TCAIM: variants seen among roughly 807,000 people sequenced by gnomAD.
TCAIM encodes the protein T cell activation inhibitor, mitochondrial.
In TCAIM, 36 loss-of-function variants were observed where a neutral mutation model predicts 58.6. The ratio of observed to expected loss-of-function variants is 0.61; its 90% CI spans 0.47 to 0.81. The LOEUF (loss-of-function observed/expected upper bound fraction) is 0.81, where lower values mean the gene tolerates loss of function less well. Among genes scored for constraint, TCAIM ranks in the 30% least tolerant of loss-of-function variants. The probability of loss-of-function intolerance (pLI) is 0.00; values close to 1 mark genes in which losing one functional copy is unlikely to be tolerated. For synonymous variants in TCAIM, 172 were observed against 193.6 expected (o/e 0.89, Z 0.93); for missense variants, 466 against 579.6 (o/e 0.80, Z 2.01).
chr3:44,392,375 T>C (rs373610308), intron 5 of TCAIM, among the ~76,000 whole-genome samples: 8 of 152,316 alleles, frequency 5.3e-5, no homozygotes, highest in African/African-American at 1.9e-4. Context: ...AGGTTTGTTA[T>C]ATAAATAAAC....
At chr3:44,343,237 C>T (rs7624506) in intron 1 of TCAIM, among the ~76,000 whole-genome samples, 53,310 of 151,886 alleles carry the variant, frequency 0.35, 10,225 homozygotes, top group African/African-American at 0.47. Flanking sequence ...GGTAACGTAA[C>T]TTGCCCTTGC....
At chr3:44,369,205 A>G (rs1312739881) in intron 5 of TCAIM, among the ~76,000 whole-genome samples, 2 of 152,210 alleles carry the variant, frequency 1.3e-5, no homozygotes, top group African/African-American at 2.4e-5. Flanking sequence ...CTTGCCTTCA[A>G]GTTTTATGTG....
intron 1 of TCAIM, among the ~76,000 whole-genome samples, chr3:44,343,520 A>T (rs1700898631): frequency 6.6e-6 from 1 of 152,216 alleles, no homozygotes; most frequent in South Asian, 2.1e-4. Flanking sequence ...TATTACTGAG[A>T]TACTTTCCAT....
intron 5 of TCAIM, among the ~76,000 whole-genome samples, chr3:44,377,907 C>T (rs184973267): frequency 1.3e-5 from 2 of 152,162 alleles, no homozygotes; most frequent in Admixed American, 6.5e-5. Context: ...GATGAAGATG[C>T]CAAAAGCAAT....
At chr3:44,403,630 CT>C (rs1462791368) in intron 10 of TCAIM, among the ~76,000 whole-genome samples, 1 of 152,046 alleles carries the variant, frequency 6.6e-6, no homozygotes, top group East Asian at 1.9e-4. Flanking sequence ...TGGAGTAATG[CT>C]TATTAGATTG....
intron 1 of TCAIM, among the ~76,000 whole-genome samples, chr3:44,350,542 T>C (rs1701066825): frequency 6.6e-6 from 1 of 152,154 alleles, no homozygotes; most frequent in South Asian, 2.1e-4. Context: ...AAGCCATCCT[T>C]ACCTTAGCTT....
chr3:44,375,236 A>G (rs1340247667), intron 5 of TCAIM, among the ~76,000 whole-genome samples: 6 of 152,198 alleles, frequency 3.9e-5, no homozygotes, highest in African/African-American at 1.4e-4. Context: ...TTGCTATAAT[A>G]TAAAGGAATA....
intron 10 of TCAIM, among the ~76,000 whole-genome samples, chr3:44,401,918 A>C (rs1702027143): frequency 6.6e-6 from 1 of 152,142 alleles, no homozygotes; most frequent in Admixed American, 6.5e-5. Flanking sequence ...CTCTAGTCCC[A>C]GCTACTCAGG....
At chr3:44,383,882 T>C (rs1484019977) in intron 5 of TCAIM, among the ~76,000 whole-genome samples, 1 of 150,962 alleles carries the variant, frequency 6.6e-6, no homozygotes, top group African/African-American at 2.4e-5. Context: ...ACCACTGCAC[T>C]CTGACCTGGG....
At chr3:44,398,341 A>G (rs1208504753) in intron 8 of TCAIM, among the ~76,000 whole-genome samples, 1 of 152,068 alleles carries the variant, frequency 6.6e-6, no homozygotes, top group South Asian at 2.1e-4. Flanking sequence ...GAGGCAGGAG[A>G]ATCATTTGAA....
At chr3:44,338,695 C>T (rs964558661), upstream of TCAIM, 2 of 152,358 alleles carry the variant, frequency 1.3e-5, no homozygotes, top group African/African-American at 4.8e-5. Context: ...GCGTCGCGCG[C>T]TGGTTGGCCA....
chr3:44,388,539 A>G (rs889147214), intron 5 of TCAIM, among the ~76,000 whole-genome samples: 2 of 152,216 alleles, frequency 1.3e-5, no homozygotes, highest in African/African-American at 4.8e-5. Context: ...ACCCATTACT[A>G]ATGATACTAA....
At chr3:44,394,908 AAAAAAAAAAAAAAATATAT>A (rs1379208166) in intron 6 of TCAIM, among the ~76,000 whole-genome samples, 4 of 51,312 alleles carry the variant, frequency 7.8e-5, no homozygotes, top group Non-Finnish European at 1.5e-4. Flanking sequence ...AAAAAAAAAA[AAAAAAAAAAAAAAATATAT>A]ATATATATAT....
At chr3:44,389,052 G>A (rs375519672) in intron 5 of TCAIM, among the ~76,000 whole-genome samples, 155 of 152,334 alleles carry the variant, frequency 1.0e-3, no homozygotes, top group African/African-American at 3.6e-3. Flanking sequence ...GGCACTTTGG[G>A]AGGCCGAGGT....
chr3:44,360,509 T>G (rs1414987595), intron 3 of TCAIM, among the ~76,000 whole-genome samples: 1 of 151,858 alleles, frequency 6.6e-6, no homozygotes, highest in Non-Finnish European at 1.5e-5. Flanking sequence ...AAAAAAAAAA[T>G]CAAAACTAAA....
At chr3:44,371,862 A>C (rs1389908398) in intron 5 of TCAIM, among the ~76,000 whole-genome samples, 3 of 152,194 alleles carry the variant, frequency 2.0e-5, no homozygotes, top group Non-Finnish European at 2.9e-5. Context: ...CATTTCAATT[A>C]CAGTTGACCC....
chr3:44,407,588 G>A lies in TCAIM; in HGVS notation c.1397G>A (p.Gly466Glu). 1 of 1,613,910 alleles carries A rather than the reference G, an allele frequency of 6.2e-7. No individual in the cohort carries two copies. The highest frequency in any genetic ancestry group is 1.7e-5 in the Admixed American group (1 of 59,998). ...GAACAATCACTGCCTTACCTACATG[G>A]GATGCACCTCTGCATTTCACATTTT... ...LLEQSLPYLH[G>E]MHLCISHFYS... Residue 466 changes from glycine (G) to glutamate (E), a missense_variant, in exon 11 of 11, where the codon GGG becomes GAG. Transcript: ENST00000342649.
chr3:44,353,703 C>T (rs1347926642), intron 1 of TCAIM, among the ~76,000 whole-genome samples: 1 of 152,188 alleles, frequency 6.6e-6, no homozygotes, highest in Non-Finnish European at 1.5e-5. Flanking sequence ...ATTTCATATG[C>T]TCATTTGCCA....
At chr3:44,357,923 T>A (rs567974423) in intron 3 of TCAIM, 47 bp downstream of exon 3, 1 of 1,595,072 alleles carries the variant, frequency 6.3e-7, no homozygotes, top group Non-Finnish European at 8.5e-7. Context: ...TTTCTGCTTA[T>A]TTACCTTTGA....
Sources: allele counts gnomAD v4.1 joint callset (sites outside exome capture counted in the v4.1 genomes callset), GRCh38; gene constraint gnomAD v4.1.1; transcripts MANE v1.5; gene names NCBI Gene and HGNC (gene_info 2026-07-23, HGNC 2026-07-21).